Variants in DOCK4 observed in about 807,000 individuals in gnomAD.
DOCK4 encodes the protein dedicator of cytokinesis 4.
DOCK4 carries 97 observed loss-of-function variants against 268.1 expected under a neutral mutation model. That is an observed-to-expected ratio of 0.36 (90% CI 0.31 to 0.43). The LOEUF (loss-of-function observed/expected upper bound fraction) is 0.43. Ranked by LOEUF, DOCK4 falls within the 20% of genes least tolerant of loss-of-function variation. DOCK4 has a pLI of 1.00. For missense variants in DOCK4, 2,145 were observed against 2,455.7 expected (o/e 0.87, Z 2.67); for synonymous variants, 954 against 887.2 (o/e 1.08, Z -1.34).
intron 41 of DOCK4, among the ~76,000 whole-genome samples, 155 bp downstream of exon 41, chr7:111,758,469 C>A (rs1160673669): frequency 6.6e-6 from 1 of 152,190 alleles, no homozygotes; most frequent in Non-Finnish European, 1.5e-5. Context: ...CTCTGATGCA[C>A]GTGGAGCTGC....
intron 1 of DOCK4, among the ~76,000 whole-genome samples, chr7:112,015,012 T>A (rs1801692008): frequency 6.6e-6 from 1 of 152,148 alleles, no homozygotes. Flanking sequence ...AAAATAAGAC[T>A]GAGACCTACT....
At position 111,857,534 on chromosome 7, in the gene DOCK4, C is replaced by T. The variant is rs141737380; in HGVS notation, c.2473+5838G>A. Among the ~76,000 whole-genome samples the T allele has an allele frequency of 1.8e-4, 28 of 152,272 alleles. No individual in the cohort carries two copies. In the East Asian group the frequency reaches 5.2e-3, roughly 28 times the overall value. On this transcript the variant is annotated intron_variant, in intron 23 of 52. Coordinates refer to ENST00000428084, the MANE Select transcript of DOCK4 (RefSeq NM_001363540.2). ...CTTCTATTATCTGTGCTGGGATTTG[C>T]CTGATAAACTGTTCAATTCTTCCAA... is the stretch of plus-strand genomic sequence containing the variant.
At chr7:112,022,265 T>C (rs1297246816) in intron 1 of DOCK4, among the ~76,000 whole-genome samples, 3 of 152,232 alleles carry the variant, frequency 2.0e-5, no homozygotes, top group Admixed American at 6.5e-5. Context: ...TCCACAAATA[T>C]AGTACAAGTA....
intron 42 of DOCK4, among the ~76,000 whole-genome samples, chr7:111,748,497 G>A (rs536889099): frequency 6.6e-6 from 1 of 152,144 alleles, no homozygotes; most frequent in African/African-American, 2.4e-5. Context: ...CAAATGGCCA[G>A]TAAACAAATA....
chr7:112,141,807 G>A (rs1310672412), intron 1 of DOCK4, among the ~76,000 whole-genome samples: 3 of 152,170 alleles, frequency 2.0e-5, no homozygotes, highest in Admixed American at 6.6e-5. Context: ...GGGTCCAGAG[G>A]ACATGAGAGT....
Position 111,960,408 on chromosome 7 carries a change from T to C in DOCK4, c.702-14610A>G, listed in dbSNP as rs140663318. On this transcript the variant is annotated intron_variant, in intron 8 of 52. Transcript: ENST00000428084. ...GAAAAAAGAATTTATAAATAAAAAT[T>C]GTATATATTTATCAATTCTAAATAA... 6.3e-3 allele frequency among the ~76,000 whole-genome samples: 948 copies of C among 150,690 alleles called. 4 individuals are homozygous for C. The highest frequency in any genetic ancestry group is 8.7e-3 in the Non-Finnish European group (590 of 67,714).
At chr7:112,186,838 A>G (rs2116748863) in intron 1 of DOCK4, among the ~76,000 whole-genome samples, 1 of 152,298 alleles carries the variant, frequency 6.6e-6, no homozygotes, top group South Asian at 2.1e-4. Flanking sequence ...TAAGAACTCT[A>G]TTTGGAGGGT....
chr7:111,914,396 C>T (rs1313844874), intron 13 of DOCK4, among the ~76,000 whole-genome samples: 2 of 152,166 alleles, frequency 1.3e-5, no homozygotes, highest in Non-Finnish European at 2.9e-5. Flanking sequence ...CACCTCTGTT[C>T]CAAACCCTCT....
Position 111,727,568 on chromosome 7 carries a change from T to C in DOCK4, c.*706A>G, listed in dbSNP as rs1048575105. The stretch of plus-strand genomic sequence containing the variant: ...GAGCCTCTTGCTTAATCTAGCTGAT[T>C]GGAACTCTGAAGCAAATTGCACCTT... On this transcript the variant is annotated 3_prime_UTR_variant, in exon 53 of 53. Transcript: ENST00000428084. 3 of 152,632 alleles carry C rather than the reference T, an allele frequency of 2.0e-5. No homozygotes were observed. Among genetic ancestry groups the C allele is most frequent in the Admixed American group, 6.5e-5 (1 of 15,280 alleles). The allele number at this position is 152,632 out of a possible 1,614,324, so 9.5% of individuals were successfully genotyped here. A position where few individuals can be genotyped will look rare whatever the true frequency, so the allele number is the denominator to read the frequency against.
chr7:111,738,813 C>G (rs938551320), intron 49 of DOCK4, among the ~76,000 whole-genome samples: 2 of 152,096 alleles, frequency 1.3e-5, no homozygotes, highest in Non-Finnish European at 2.9e-5. Context: ...TGGTGGGCAC[C>G]TATAATCCCA....
chr7:111,741,792 G>A, intron 45 of DOCK4, 131 bp from the exon 46 acceptor site: 2 of 1,319,176 alleles, frequency 1.5e-6, no homozygotes, highest in South Asian at 1.6e-5. Flanking sequence ...ATTAAAGCAA[G>A]TTCCAGTATT....
chr7:111,831,656 T>C (rs957468323), intron 26 of DOCK4, among the ~76,000 whole-genome samples: 5 of 152,028 alleles, frequency 3.3e-5, no homozygotes, highest in Non-Finnish European at 7.4e-5. Flanking sequence ...AGCTAGTTTT[T>C]ACAAACTTTT....
chr7:111,864,209 A>G (rs968264831), intron 22 of DOCK4, among the ~76,000 whole-genome samples: 13 of 151,628 alleles, frequency 8.6e-5, no homozygotes, highest in African/African-American at 2.9e-4. Flanking sequence ...TAAACCAAGA[A>G]CTGTGTGTAC....
At chr7:111,765,686 T>C (rs1462924596) in intron 38 of DOCK4, among the ~76,000 whole-genome samples, 1 of 152,196 alleles carries the variant, frequency 6.6e-6, no homozygotes, top group Non-Finnish European at 1.5e-5. Context: ...ACCTGGCACA[T>C]GGTAATTCAG....
intron 1 of DOCK4, among the ~76,000 whole-genome samples, chr7:112,062,625 A>C (rs1471292617): frequency 6.6e-6 from 1 of 152,146 alleles, no homozygotes; most frequent in Non-Finnish European, 1.5e-5. Flanking sequence ...CATCAATAGA[A>C]GCACATATTC....
At chr7:112,009,852 C>T (rs1350002566) in intron 1 of DOCK4, among the ~76,000 whole-genome samples, 3 of 152,004 alleles carry the variant, frequency 2.0e-5, no homozygotes, top group East Asian at 1.9e-4. Context: ...AGCGTCTCAC[C>T]GTCGCCCAGG....
At chr7:111,859,862 C>T (rs930381964) in intron 23 of DOCK4, among the ~76,000 whole-genome samples, 2 of 152,156 alleles carry the variant, frequency 1.3e-5, no homozygotes, top group African/African-American at 4.8e-5. Context: ...CCACCGCGCC[C>T]GGCCGTGTGT....
intron 7 of DOCK4, among the ~76,000 whole-genome samples, chr7:111,983,844 A>ATGCGCGCGCGCGTGCG (rs1554402959): frequency 7.2e-5 from 10 of 138,932 alleles, no homozygotes; most frequent in African/African-American, 2.9e-4. Context: ...GTACACACAC[A>ATGCGCGCGCGCGTGCG]CGCGCGCGCG....
At chr7:112,074,088 G>A (rs1243342024) in intron 1 of DOCK4, among the ~76,000 whole-genome samples, 2 of 152,114 alleles carry the variant, frequency 1.3e-5, no homozygotes, top group Non-Finnish European at 2.9e-5. Flanking sequence ...CATGCCTTTT[G>A]ACTACTGTGT....
Sources: gnomAD v4.1 joint callset for allele counts (sites outside exome capture counted in the v4.1 genomes callset) on GRCh38, gnomAD v4.1.1 for gene constraint, MANE v1.5 for transcripts, NCBI Gene and HGNC (gene_info 2026-07-23, HGNC 2026-07-21) for gene names.